The following NEMF variants were observed in gnomAD, a reference collection of about 807,000 sequenced individuals.
The protein encoded by NEMF is nuclear export mediator factor.
In NEMF, 89 loss-of-function variants were observed where a neutral mutation model predicts 162.2. The observed-to-expected ratio is 0.55, with a 90% CI of 0.46 to 0.65. NEMF has a LOEUF of 0.65. Ranked by LOEUF, NEMF falls within the 30% of genes least tolerant of loss-of-function variation. NEMF has a pLI of 0.00. For missense variants in NEMF, 1,133 were observed against 1,261.9 expected (o/e 0.90, Z 1.55); for synonymous variants, 421 against 404.5 (o/e 1.04, Z -0.49).
intron 29 of NEMF, 134 bp from the exon 30 acceptor site, chr14:49,785,454 G>T: frequency 1.5e-6 from 1 of 646,314 alleles, no homozygotes. Context: ...TGGAACAGTG[G>T]TACTTAAACT....
chr14:49,828,369 T>C lies in NEMF; in HGVS notation c.1425-15A>G. On this transcript the variant is annotated splice_polypyrimidine_tract_variant and intron_variant, in intron 14 of 32. Transcript: ENST00000298310. ...GATCATAATACCTAGAAAAACATAT[T>C]TCTCTTAAATTTTAAGTATAATATT... is the stretch of plus-strand genomic sequence containing the variant. 31 of 1,479,250 alleles carry C rather than the reference T, an allele frequency of 2.1e-5. No individual in the cohort carries two copies. The highest frequency in any genetic ancestry group is 2.9e-5 in the Non-Finnish European group (31 of 1,075,064). 91.6% of individuals were successfully genotyped at this position (1,479,250 alleles called of 1,614,324 possible). A position where few individuals can be genotyped will look rare whatever the true frequency, so the allele number is the denominator to read the frequency against.
chr14:49,806,254 A>ATTTTTTTT (rs1382049259), intron 18 of NEMF, 121 bp from the exon 19 acceptor site: 1 of 16,558 alleles, frequency 6.0e-5, no homozygotes, highest in African/African-American at 2.1e-4. Flanking sequence ...ATATATATAT[A>ATTTTTTTT]TATTTTTTTT....
intron 4 of NEMF, among the ~76,000 whole-genome samples, chr14:49,844,632 T>C (rs997595482): frequency 1.3e-5 from 2 of 152,006 alleles, no homozygotes; most frequent in African/African-American, 2.4e-5. Context: ...TACACTAAAT[T>C]TGTTTTTTAT....
chr14:49,836,670 C>T (rs1359471561), intron 6 of NEMF, among the ~76,000 whole-genome samples: 1 of 149,324 alleles, frequency 6.7e-6, no homozygotes, highest in Admixed American at 6.6e-5. Context: ...TTTGAAATGC[C>T]AAATGCCAAA....
At position 49,785,533 on chromosome 14, in the gene NEMF, A is replaced by G. The variant is rs568134260; in HGVS notation, c.2929-213T>C. 291 of 481,870 alleles carry G rather than the reference A, an allele frequency of 6.0e-4. 2 individuals are homozygous for G. The South Asian group carries it at 6.2e-3, about 10-fold the overall frequency. The allele number at this position is 481,870 out of a possible 1,614,324, so 29.8% of individuals were successfully genotyped here. ...ATTCTTTACTACTTAATTTTTGCCT[A>G]GCATAATAAGTAATGAGAACAATAA... On this transcript the variant is annotated intron_variant, in intron 29 of 32. Transcript: ENST00000298310.
At chr14:49,792,804 C>A (rs543996272) in intron 26 of NEMF, among the ~76,000 whole-genome samples, 54 of 151,976 alleles carry the variant, frequency 3.6e-4, no homozygotes, top group Non-Finnish European at 7.4e-4. Context: ...TAGGAAGAGC[C>A]TGTCTCTAAA....
At chr14:49,847,047 G>A (rs1049318951) in intron 3 of NEMF, among the ~76,000 whole-genome samples, 19 of 150,746 alleles carry the variant, frequency 1.3e-4, no homozygotes, top group African/African-American at 3.9e-4. Flanking sequence ...CACCACACCC[G>A]GCTAATTTTT....
In NEMF at chr14:49,784,947, T is replaced by A; in HGVS notation, c.3131A>T (p.Lys1044Ile). The A allele has an allele frequency of 6.2e-7, 1 of 1,613,922 alleles. No homozygotes were observed. The highest frequency in any genetic ancestry group is 8.5e-7 in the Non-Finnish European group (1 of 1,179,888). Residue 1044 changes from lysine to isoleucine, a missense_variant, in exon 32 of 33, where the codon AAA (lysine) becomes ATA (isoleucine). By Grantham distance (102) the Lys-to-Ile change is moderately radical (BLOSUM62 -3). Transcript: ENST00000298310. ...TACCTTTACGCTGCGGAATAAGTCTTTTTCTCTTGCTGTTGCTTCTTTGGA... is the reference window on the plus strand; with the variant it reads ...TACCTTTACGCTGCGGAATAAGTCTATTTCTCTTGCTGTTGCTTCTTTGGA... Reference protein sequence around the residue: ...MHSKEATAREKDLFRSVKDTD... With the variant: ...MHSKEATAREIDLFRSVKDTD...
Position 49,802,654 on chromosome 14 carries a change from G to A in NEMF, c.1974+15C>T, listed in dbSNP as rs1255832899. On this transcript the variant is annotated intron_variant, in intron 21 of 32. Transcript: ENST00000298310. ...AGGAAAAAAACAAATAAATAACCAA[G>A]AAGTTGAAGAGTACCTTAAAAAGGA... 1 of 1,610,950 alleles carries A rather than the reference G, an allele frequency of 6.2e-7. No individual in the cohort carries two copies. Among genetic ancestry groups the A allele is most frequent in the Non-Finnish European group, 8.5e-7 (1 of 1,179,020 alleles).
At chr14:49,826,566 G>C (rs901469831) in intron 15 of NEMF, among the ~76,000 whole-genome samples, 1 of 144,454 alleles carries the variant, frequency 6.9e-6, no homozygotes, top group Non-Finnish European at 1.5e-5. Flanking sequence ...AAAAAGACCA[G>C]CAAGTACAGC....
chr14:49,846,321 G>A (rs562242864), intron 3 of NEMF, 56 bp from the exon 4 acceptor site: 3 of 1,530,038 alleles, frequency 2.0e-6, no homozygotes, highest in Admixed American at 4.0e-5. Flanking sequence ...CTAACCATTT[G>A]GTATTGGTTT....
intron 16 of NEMF, among the ~76,000 whole-genome samples, chr14:49,815,741 G>C (rs1891683994): frequency 6.6e-6 from 1 of 152,080 alleles, no homozygotes; most frequent in Non-Finnish European, 1.5e-5. Context: ...AAGGTGGGCG[G>C]ATCACGAGCT....
At chr14:49,795,235 G>A (rs1890636093) in intron 26 of NEMF, among the ~76,000 whole-genome samples, 1 of 151,924 alleles carries the variant, frequency 6.6e-6, no homozygotes. Flanking sequence ...CTACTTGGAA[G>A]ACTGAGATGG....
At position 49,782,845 on chromosome 14, in the gene NEMF, A is replaced by G. The variant is rs1594708943; in HGVS notation, c.*1791T>C. The G allele has an allele frequency of 6.2e-7, 1 of 1,613,806 alleles. No individual in the cohort carries two copies. Among genetic ancestry groups the G allele is most frequent in the Non-Finnish European group, 8.5e-7 (1 of 1,179,836 alleles). On this transcript the variant is annotated 3_prime_UTR_variant, in exon 33 of 33. Coordinates refer to ENST00000298310, the MANE Select transcript of NEMF (RefSeq NM_004713.6). The stretch of plus-strand genomic sequence containing the variant: ...CCACTTTCAGGCTAAGCTTAGAAGC[A>G]GTCATTTGCTTTAAAGAAATGTTAG...
At position 49,840,849 on chromosome 14, in the gene NEMF, T is replaced by G; in HGVS notation, c.375A>C (p.Thr125=). ...TATTTAAAATTACGTACTCATAATCTGTAAGAACAATGTTCCCCTGCAATA... is the reference window on the plus strand; with the variant it reads ...TATTTAAAATTACGTACTCATAATCGGTAAGAACAATGTTCCCCTGCAATA... The part of the protein sequence containing the change: ...ELYDRGNIVL[T]DYEYVILNIL... Residue 125 remains threonine, a synonymous_variant, in exon 5 of 33, where the codon ACA becomes ACC. Coordinates refer to ENST00000298310, the MANE Select transcript of NEMF (RefSeq NM_004713.6). The G allele has an allele frequency of 1.9e-6, 3 of 1,605,464 alleles. No individual in the cohort carries two copies. The highest frequency in any genetic ancestry group is 2.5e-6 in the Non-Finnish European group (3 of 1,177,596).
At chr14:49,794,049 A>G (rs1184131690) in intron 26 of NEMF, among the ~76,000 whole-genome samples, 1 of 152,276 alleles carries the variant, frequency 6.6e-6, no homozygotes, top group East Asian at 1.9e-4. Context: ...ATGATCTACA[A>G]TATTATTTTA....
chr14:49,845,178 T>C (rs990146217), intron 4 of NEMF, among the ~76,000 whole-genome samples: 1 of 151,820 alleles, frequency 6.6e-6, no homozygotes, highest in Admixed American at 6.6e-5. Context: ...CTGGAACCTC[T>C]GCCTCCCAGG....
intron 5 of NEMF, among the ~76,000 whole-genome samples, chr14:49,838,833 C>G (rs1273942496): frequency 6.6e-6 from 1 of 152,118 alleles, no homozygotes; most frequent in Non-Finnish European, 1.5e-5. Context: ...ATCCGCCCAC[C>G]TTGGCCTCCC....
intron 3 of NEMF, among the ~76,000 whole-genome samples, chr14:49,849,887 A>G (rs2140036760): frequency 6.6e-6 from 1 of 152,326 alleles, no homozygotes; most frequent in South Asian, 2.1e-4. Flanking sequence ...AAACTTTAAT[A>G]ATCTGAGAAT....
Sources: gnomAD v4.1 joint callset for allele counts (sites outside exome capture counted in the v4.1 genomes callset) on GRCh38, gnomAD v4.1.1 for gene constraint, MANE v1.5 for transcripts, NCBI Gene and HGNC (gene_info 2026-07-23, HGNC 2026-07-21) for gene names.